DCAF12: variants seen among roughly 807,000 people sequenced by gnomAD.
DCAF12 encodes DDB1- and CUL4-associated factor 12.
A neutral mutation model predicts 52.8 loss-of-function variants in DCAF12; 28 were observed. The observed-to-expected ratio is 0.53, with a 90% confidence interval of 0.39 to 0.73. The LOEUF is 0.73. Among genes scored for constraint, DCAF12 ranks in the 30% least tolerant of loss-of-function variants. The pLI is 0.00. For synonymous variants in DCAF12, 196 were observed against 215.5 expected, an observed-to-expected ratio of 0.91 and a Z score of 0.79; for missense variants, 425 against 552.2, an observed-to-expected ratio of 0.77 and a Z score of 2.31.
intron 2 of DCAF12, among the ~76,000 whole-genome samples, chr9:34,108,793 C>CAAAAAAA (rs1234542589): frequency 1.3e-3 from 109 of 81,290 alleles, no homozygotes; most frequent in Admixed American, 1.9e-3. Flanking sequence ...GACTTGGTCT[C>CAAAAAAA]AAAAAAAATA....
At chr9:34,103,335 AG>A (rs1201638565) in intron 4 of DCAF12, among the ~76,000 whole-genome samples, 1 of 151,374 alleles carries the variant, frequency 6.6e-6, no homozygotes, top group Admixed American at 6.6e-5. Flanking sequence ...TGAACCTGGG[AG>A]GCGGAGGTTG....
chr9:34,092,934 C>T (rs1478795990), intron 7 of DCAF12, among the ~76,000 whole-genome samples: 3 of 152,172 alleles, frequency 2.0e-5, no homozygotes, highest in Non-Finnish European at 4.4e-5. Flanking sequence ...CAACCTCCGC[C>T]TCCCAGGTTC....
At chr9:34,124,032 G>C (rs1829211451) in intron 2 of DCAF12, among the ~76,000 whole-genome samples, 1 of 152,070 alleles carries the variant, frequency 6.6e-6, no homozygotes, top group Non-Finnish European at 1.5e-5. Flanking sequence ...TTTATAAACA[G>C]ACCAACCACC....
At chr9:34,106,339 G>T in intron 4 of DCAF12, 95 bp downstream of exon 4, 1 of 1,076,726 alleles carries the variant, frequency 9.3e-7, no homozygotes, top group Non-Finnish European at 1.4e-6. Flanking sequence ...CACTGAGCCC[G>T]GCTGGGCTGT....
chr9:34,125,092 G>A lies in DCAF12; in HGVS notation c.264C>T (p.Thr88=). 6.2e-7 allele frequency: 1 copy of A among 1,613,996 alleles called. No individual in the cohort carries two copies. Among genetic ancestry groups the A allele is most frequent in the East Asian group, 2.2e-5 (1 of 44,884 alleles). ...ACTGAGATGCAAACACTTTATTAAG[G>A]GTCCCAAGGTGAAACTCTCTCTCCT... ...LLKEREFHLG[T]LNKVFASQWL... is the part of the protein sequence containing the mutation. Residue 88 remains threonine (T), a synonymous_variant, in exon 2 of 9, where the codon ACC becomes ACT. Coordinates refer to ENST00000361264, the MANE Select transcript of DCAF12 (RefSeq NM_015397.4).
chr9:34,120,203 CAAAAAAAAAAAAA>C (rs34481024), intron 2 of DCAF12, among the ~76,000 whole-genome samples: 12 of 26,228 alleles, frequency 4.6e-4, no homozygotes, highest in South Asian at 2.7e-3. Flanking sequence ...AAGTCCGTCT[CAAAAAAAAAAAAA>C]AAAAAAAAAA....
At chr9:34,123,169 C>T (rs1829200544) in intron 2 of DCAF12, among the ~76,000 whole-genome samples, 1 of 152,192 alleles carries the variant, frequency 6.6e-6, no homozygotes, top group African/African-American at 2.4e-5. Flanking sequence ...TGTTAGCCCA[C>T]AGCACAGGGA....
chr9:34,100,127 T>A (rs940695653), intron 4 of DCAF12, among the ~76,000 whole-genome samples: 1 of 150,998 alleles, frequency 6.6e-6, no homozygotes, highest in Non-Finnish European at 1.5e-5. Context: ...CTCAACTTCC[T>A]GGGCCTAAGT....
rs34456166 is a variant in DCAF12 at position 34,103,095 on chromosome 9, CAAA to C, written c.601+3336_601+3338del. Among the ~76,000 whole-genome samples, 827 of 100,174 alleles carry C rather than the reference CAAA, an allele frequency of 8.3e-3. 3 individuals are homozygous for C. Among genetic ancestry groups the C allele is most frequent in the African/African-American group, 0.015 (338 of 23,192 alleles). 65.7% of individuals were successfully genotyped at this position (100,174 alleles called of 152,430 possible). A position where few individuals can be genotyped will look rare whatever the true frequency, so the allele number is the denominator to read the frequency against. ...GGGTGACAGGGCGAGACCTTAACTC[CAAA>C]AAAAAAAAAAAAAAAAAAAAAGAGA... is the stretch of plus-strand genomic sequence containing the variant. On this transcript the variant is annotated intron_variant, in intron 4 of 8. Transcript: ENST00000361264.
At chr9:34,122,011 G>T (rs982150795) in intron 2 of DCAF12, among the ~76,000 whole-genome samples, 1 of 152,050 alleles carries the variant, frequency 6.6e-6, no homozygotes, top group African/African-American at 2.4e-5. Flanking sequence ...GTATTCTCCC[G>T]GTTTTCCTGA....
intron 2 of DCAF12, among the ~76,000 whole-genome samples, chr9:34,124,110 C>G (rs79170046): frequency 4.6e-5 from 7 of 152,304 alleles, no homozygotes; most frequent in Non-Finnish European, 1.0e-4. Context: ...AGACACTTCT[C>G]CTAGTACTTA....
intron 6 of DCAF12, chr9:34,096,121 C>T (rs1828730815): frequency 6.6e-6 from 1 of 152,086 alleles, no homozygotes; most frequent in African/African-American, 2.4e-5. Context: ...TTCGGGAGAC[C>T]AAGGTGGGAG....
At position 34,124,929 on chromosome 9, in the gene DCAF12, A is replaced by G. The variant is rs1179613933; in HGVS notation, c.333+94T>C. On this transcript the variant is annotated intron_variant, in intron 2 of 8. Transcript: ENST00000361264. ...GGAGAGTAAGGCAAGTCCCTCCTAAAAGAAACAGACGGGAAAACTAGCAGA... is the reference window on the plus strand; with the variant it reads ...GGAGAGTAAGGCAAGTCCCTCCTAAGAGAAACAGACGGGAAAACTAGCAGA... 4 of 1,508,054 alleles carry G rather than the reference A, an allele frequency of 2.7e-6. No homozygotes were observed. In the East Asian group the frequency reaches 6.8e-5, roughly 26 times the overall value. The allele number at this position is 1,508,054 out of a possible 1,614,324, so 93.4% of individuals were successfully genotyped here.
rs747020535 is a variant in DCAF12 at position 34,106,452 on chromosome 9, C to T, written c.583G>A (p.Asp195Asn). ...ACTTTACCAGACACTGCCATAGTGT[C>T]GCTGATCCATGCGATGGAAAAGATC... ...DWIFSIAWIS[D>N]TMAVSGSRDG... is the part of the protein sequence containing the mutation. The change falls in exon 4 of 9, where the codon GAC becomes AAC. Residue 195 changes from aspartate to asparagine, a missense_variant. This residue lies in a region of DCAF12 where 328 missense variants were observed against 444.4 expected (regional missense o/e 0.74). Transcript: ENST00000361264. 12 of 1,609,874 alleles carry T rather than the reference C, an allele frequency of 7.5e-6. No individual in the cohort carries two copies. Among genetic ancestry groups the T allele is most frequent in the East Asian group, 4.5e-5 (2 of 44,848 alleles).
intron 2 of DCAF12, among the ~76,000 whole-genome samples, chr9:34,109,001 TATG>T (rs199551031): frequency 1.2e-4 from 5 of 41,064 alleles, no homozygotes; most frequent in Admixed American, 2.7e-4. Flanking sequence ...TATATATATA[TATG>T]GTTTTTTTTT....
At chr9:34,088,541 C>G (rs1828595517) in intron 8 of DCAF12, 33 bp from the exon 9 acceptor site, 1 of 1,613,242 alleles carries the variant, frequency 6.2e-7, no homozygotes, top group African/African-American at 1.3e-5. Context: ...CAATTAGCAC[C>G]TCTAGCCATG....
intron 6 of DCAF12, among the ~76,000 whole-genome samples, chr9:34,094,405 CA>C (rs911789462): frequency 6.7e-6 from 1 of 149,018 alleles, no homozygotes; most frequent in Non-Finnish European, 1.5e-5. Flanking sequence ...GACTCTGTCT[CA>C]AAAAAAATAA....
At chr9:34,089,665 C>A in intron 7 of DCAF12, 75 bp from the exon 8 acceptor site, 1 of 1,439,810 alleles carries the variant, frequency 6.9e-7, no homozygotes. Context: ...TGAATTTCTC[C>A]AACACTGAGT....
intron 6 of DCAF12, among the ~76,000 whole-genome samples, chr9:34,093,970 C>T (rs1168522803): frequency 6.6e-6 from 1 of 152,174 alleles, no homozygotes; most frequent in African/African-American, 2.4e-5. Context: ...CCTGGGTCTT[C>T]GTCAGTTAGC....
Sources: gnomAD v4.1 joint callset for allele counts (sites outside exome capture counted in the v4.1 genomes callset) on GRCh38, gnomAD v4.1.1 for gene constraint, gnomAD v4.1.1 regional missense constraint, MANE v1.5 for transcripts, NCBI Gene and HGNC (gene_info 2026-07-23, HGNC 2026-07-21) for gene names.